Variants in SGSM1 observed in about 807,000 individuals in gnomAD.
SGSM1 encodes the protein RUN and TBC1 domain containing 2.
A neutral mutation model predicts 133.8 loss-of-function variants in SGSM1; 73 were observed. The observed-to-expected ratio is 0.55, with a 90% CI of 0.45 to 0.66. The LOEUF (loss-of-function observed/expected upper bound fraction) is 0.66. Among genes scored for constraint, SGSM1 ranks in the 30% least tolerant of loss-of-function variants. The pLI, the probability that SGSM1 is intolerant of heterozygous loss-of-function variation, is 0.00. For missense variants in SGSM1, 1,213 were observed against 1,448.1 expected (o/e 0.84, Z 2.64); for synonymous variants, 563 against 573.0 (o/e 0.98, Z 0.25).
At chr22:24,909,541 C>T (rs1389543410) in intron 21 of SGSM1, among the ~76,000 whole-genome samples, 1 of 152,040 alleles carries the variant, frequency 6.6e-6, no homozygotes, top group East Asian at 1.9e-4. Flanking sequence ...CTGCAACCTC[C>T]ACCTCCTGGG....
Position 24,924,688 on chromosome 22 carries a change from C to A in SGSM1, c.*414C>A, listed in dbSNP as rs1443499371. The A allele has an allele frequency of 5.1e-6, 1 of 196,602 alleles. No homozygotes were observed. Among genetic ancestry groups the A allele is most frequent in the Non-Finnish European group, 1.0e-5 (1 of 95,784 alleles). 12.2% of individuals were successfully genotyped at this position (196,602 alleles called of 1,614,324 possible). ...GGTGTAGAAGAGGTGTGTGGGGCTA[C>A]CTCTATGCTCCTCTGCAAGGGGCCT... is the stretch of plus-strand genomic sequence containing the variant. On this transcript the variant is annotated 3_prime_UTR_variant, in exon 25 of 25. Transcript: ENST00000400358.
chr22:24,887,873 CTA>C (rs1414495982), intron 16 of SGSM1, among the ~76,000 whole-genome samples: 34 of 152,222 alleles, frequency 2.2e-4, no homozygotes, highest in African/African-American at 8.0e-4. Context: ...TGTCTTGTCA[CTA>C]TTTTTTATTT....
intron 16 of SGSM1, among the ~76,000 whole-genome samples, chr22:24,891,202 A>G (rs1025915503): frequency 6.6e-6 from 1 of 152,168 alleles, no homozygotes; most frequent in South Asian, 2.1e-4. Flanking sequence ...TCTACAAAAA[A>G]TTTAAAAACT....
chr22:24,858,249 G>A (rs2147857646), intron 8 of SGSM1, among the ~76,000 whole-genome samples: 1 of 152,238 alleles, frequency 6.6e-6, no homozygotes, highest in African/African-American at 2.4e-5. Flanking sequence ...CAAACCTCTG[G>A]GATTGTAGGC....
chr22:24,847,956 G>T (rs1248151228), intron 4 of SGSM1, among the ~76,000 whole-genome samples, 160 bp downstream of exon 4: 1 of 150,088 alleles, frequency 6.7e-6, no homozygotes. Flanking sequence ...CTTTGCACGT[G>T]CCTCACCCTC....
intron 14 of SGSM1, among the ~76,000 whole-genome samples, chr22:24,882,976 C>T (rs970719832): frequency 6.6e-6 from 1 of 151,734 alleles, no homozygotes; most frequent in Admixed American, 6.6e-5. Context: ...CAGCTCACTG[C>T]AAGCTCCGCC....
chr22:24,847,837 C>G (rs746824199), intron 4 of SGSM1, 41 bp downstream of exon 4: 2 of 1,600,094 alleles, frequency 1.2e-6, no homozygotes, highest in East Asian at 4.5e-5. Flanking sequence ...GCAGCTCCCC[C>G]AATAGTCCAC....
chr22:24,868,278 T>G, intron 10 of SGSM1, 98 bp from the exon 11 acceptor site: 1 of 1,492,372 alleles, frequency 6.7e-7, no homozygotes, highest in Non-Finnish European at 9.0e-7. Flanking sequence ...TCCCTGGGTC[T>G]GGCTTGGCAC....
chr22:24,810,516 G>A (rs1005904026), intron 2 of SGSM1, among the ~76,000 whole-genome samples: 4 of 152,156 alleles, frequency 2.6e-5, no homozygotes, highest in African/African-American at 9.7e-5. Flanking sequence ...AGCAGGGACT[G>A]GCTTCCCGTT....
At chr22:24,863,069 C>T (rs1306422557) in intron 9 of SGSM1, among the ~76,000 whole-genome samples, 1 of 152,216 alleles carries the variant, frequency 6.6e-6, no homozygotes, top group African/African-American at 2.4e-5. Flanking sequence ...GATTGCCAAG[C>T]CCCGCCCCAG....
At chr22:24,893,367 G>A in intron 16 of SGSM1, 64 bp from the exon 17 acceptor site, 1 of 1,562,272 alleles carries the variant, frequency 6.4e-7, no homozygotes, top group Non-Finnish European at 8.7e-7. Flanking sequence ...CTTCCACGTT[G>A]GTCTGGCCCT....
chr22:24,881,697 A>G (rs796839541), intron 14 of SGSM1, among the ~76,000 whole-genome samples: 42 of 152,324 alleles, frequency 2.8e-4, no homozygotes, highest in African/African-American at 8.7e-4. Context: ...CATCGTCATC[A>G]TCATCATCCT....
chr22:24,879,272 A>G (rs1932189850), intron 13 of SGSM1, among the ~76,000 whole-genome samples, 190 bp from the exon 14 acceptor site: 1 of 152,214 alleles, frequency 6.6e-6, no homozygotes, highest in South Asian at 2.1e-4. Context: ...TTCTCAAGGG[A>G]AAATCAGGGG....
intron 5 of SGSM1, among the ~76,000 whole-genome samples, chr22:24,853,632 A>G (rs1172858634): frequency 6.6e-6 from 1 of 151,186 alleles, no homozygotes; most frequent in Admixed American, 6.6e-5. Context: ...TTTGAGATGG[A>G]GTCTTGCTCT....
chr22:24,806,781 T>C (rs1927417895), intron 2 of SGSM1, among the ~76,000 whole-genome samples: 1 of 151,740 alleles, frequency 6.6e-6, no homozygotes, highest in South Asian at 2.1e-4. Flanking sequence ...GACCTCCTCT[T>C]GTGGAGGAGC....
chr22:24,852,955 T>C (rs560293019), intron 5 of SGSM1, among the ~76,000 whole-genome samples: 1 of 152,306 alleles, frequency 6.6e-6, no homozygotes, highest in East Asian at 1.9e-4. Context: ...GATATTCCAG[T>C]TGATGGAAGA....
At chr22:24,870,404 A>T (rs1008609529) in intron 12 of SGSM1, among the ~76,000 whole-genome samples, 2 of 152,254 alleles carry the variant, frequency 1.3e-5, no homozygotes, top group Admixed American at 6.5e-5. Flanking sequence ...AGAGAGGGCC[A>T]GATCCTCTAT....
chr22:24,882,361 T>C (rs1020437999), intron 14 of SGSM1, among the ~76,000 whole-genome samples: 1 of 152,140 alleles, frequency 6.6e-6, no homozygotes, highest in Non-Finnish European at 1.5e-5. Flanking sequence ...TGAGGCACTG[T>C]GCCCCGCCCT....
intron 13 of SGSM1, among the ~76,000 whole-genome samples, chr22:24,877,608 G>T (rs1012438727): frequency 5.3e-5 from 8 of 151,822 alleles, no homozygotes; most frequent in Non-Finnish European, 8.8e-5. Flanking sequence ...GTGGGGGCTG[G>T]CATCAAATTT....
Sources: allele counts gnomAD v4.1 joint callset (sites outside exome capture counted in the v4.1 genomes callset), GRCh38; gene constraint gnomAD v4.1.1; transcripts MANE v1.5; gene names NCBI Gene and HGNC (gene_info 2026-07-23, HGNC 2026-07-21).